TPST1: variants seen among roughly 807,000 people sequenced by gnomAD.
TPST1 encodes the protein protein-tyrosine sulfotransferase 1.
A neutral mutation model predicts 34.8 loss-of-function variants in TPST1; 20 were observed. That is an observed-to-expected ratio of 0.57 (90% CI 0.40 to 0.84). TPST1 has a LOEUF of 0.84. Ranked by LOEUF, TPST1 falls within the 40% of genes least tolerant of loss-of-function variation. The probability of loss-of-function intolerance (pLI) is 0.00; values close to 1 mark genes in which losing one functional copy is unlikely to be tolerated. For synonymous variants in TPST1, 152 were observed against 159.4 expected (o/e 0.95, Z 0.35); for missense variants, 353 against 455.5 (o/e 0.78, Z 2.05).
rs1790002889 is a variant in TPST1 at position 66,240,361 on chromosome 7, C to T, written c.-65C>T. 3.2e-6 allele frequency: 5 copies of T among 1,553,432 alleles called. No homozygotes were observed. In the South Asian group the frequency reaches 6.3e-5, roughly 19 times the overall value. On this transcript the variant is annotated 5_prime_UTR_variant, in exon 2 of 6. Coordinates refer to ENST00000304842, the MANE Select transcript of TPST1 (RefSeq NM_003596.4). Reference sequence around the variant, plus strand: ...CTTTCTGAAGTAGACTGTCCATGGCCTGAACATTTTCCGAAAATCATTTTG... The same window carrying T: ...CTTTCTGAAGTAGACTGTCCATGGCTTGAACATTTTCCGAAAATCATTTTG...
At chr7:66,312,668 G>A (rs780067158) in intron 3 of TPST1, among the ~76,000 whole-genome samples, 1 of 152,150 alleles carries the variant, frequency 6.6e-6, no homozygotes, top group Non-Finnish European at 1.5e-5. Context: ...ATCATTGATT[G>A]TATTGTGGCT....
At chr7:66,245,438 A>G (rs971375874) in intron 2 of TPST1, among the ~76,000 whole-genome samples, 3 of 152,250 alleles carry the variant, frequency 2.0e-5, no homozygotes, top group Non-Finnish European at 4.4e-5. Context: ...GGCCGGGGTG[A>G]TCAGACATCA....
At chr7:66,349,190 C>A (rs951512018) in intron 3 of TPST1, among the ~76,000 whole-genome samples, 2 of 152,182 alleles carry the variant, frequency 1.3e-5, no homozygotes, top group African/African-American at 2.4e-5. Context: ...ACTGCCTGGG[C>A]TTGAGTTAAA....
At chr7:66,220,320 T>C (rs1050776369) in intron 1 of TPST1, among the ~76,000 whole-genome samples, 6 of 152,152 alleles carry the variant, frequency 3.9e-5, no homozygotes, top group Non-Finnish European at 8.8e-5. Context: ...ATTATACTTA[T>C]AGAATCTAAT....
rs1181699567 is a variant in TPST1 at position 66,314,560 on chromosome 7, A to G, written c.1044+27851A>G. Among the ~76,000 whole-genome samples, 3 of 152,318 alleles carry G rather than the reference A, an allele frequency of 2.0e-5. No individual in the cohort carries two copies. In the South Asian group the frequency reaches 6.2e-4, roughly 32 times the overall value. On this transcript the variant is annotated intron_variant, in intron 3 of 5. Coordinates refer to ENST00000304842, the MANE Select transcript of TPST1 (RefSeq NM_003596.4). Reference sequence around the variant, plus strand: ...AATAAAAACGATCAATGTGGAAAAAACTTGAAGACTGTGCAAATAGCCATA... The same window carrying G: ...AATAAAAACGATCAATGTGGAAAAAGCTTGAAGACTGTGCAAATAGCCATA...
rs1406661817 is a variant in TPST1, at chr7:66,217,367, CTG to C, written c.-102+11847_-102+11848del. Among the ~76,000 whole-genome samples the C allele has an allele frequency of 3.3e-5, 5 of 152,126 alleles. No homozygotes were observed. The East Asian group carries it at 9.6e-4, about 29-fold the overall frequency. On this transcript the variant is annotated intron_variant, in intron 1 of 5. Transcript: ENST00000304842. ...TTTTTGCTTCATGTATTTTAGGGCTCTGTTGTTATTTGCATATATGTTTATAA... is the reference window on the plus strand; with the variant it reads ...TTTTTGCTTCATGTATTTTAGGGCTCTTGTTATTTGCATATATGTTTATAA...
intron 3 of TPST1, among the ~76,000 whole-genome samples, chr7:66,352,099 G>A (rs553302960): frequency 6.6e-6 from 1 of 152,310 alleles, no homozygotes; most frequent in African/African-American, 2.4e-5. Flanking sequence ...ATCCAGGGTT[G>A]TATCCTTGGA....
chr7:66,201,381 CAAAAAAAAAAA>C (rs138553925), upstream of TPST1, among the ~76,000 whole-genome samples: 11 of 73,528 alleles, frequency 1.5e-4, no homozygotes, highest in South Asian at 1.7e-3. Context: ...CCATCTCTAC[CAAAAAAAAAAA>C]AAAAAAAAAA....
At chr7:66,356,938 G>A in intron 5 of TPST1, 67 bp downstream of exon 5, 1 of 1,547,286 alleles carries the variant, frequency 6.5e-7, no homozygotes, top group Non-Finnish European at 8.9e-7. Flanking sequence ...GGGCTGGGTG[G>A]CCAAGGTGGA....
In TPST1 at chr7:66,253,227, T is replaced by C. The variant is rs560442474; in HGVS notation, c.845+11957T>C. 1.4e-4 allele frequency among the ~76,000 whole-genome samples: 21 copies of C among 152,290 alleles called. No homozygotes were observed. In the South Asian group the frequency reaches 4.4e-3, roughly 32 times the overall value. ...GTTATATGTAAATACTGTGCCATTT[T>C]ATATGAGAGATTTGGGCATCTGTGG... On this transcript the variant is annotated intron_variant, in intron 2 of 5. Transcript: ENST00000304842.
chr7:66,354,490 C>T (rs1239248971), intron 4 of TPST1, among the ~76,000 whole-genome samples: 1 of 130,224 alleles, frequency 7.7e-6, no homozygotes, highest in East Asian at 2.5e-4. Flanking sequence ...CGCCTGTAAT[C>T]CCAGCCTGGG....
Position 66,240,306 on chromosome 7 carries a change from C to A in TPST1, c.-101-19C>A. 1 of 1,247,172 alleles carries A rather than the reference C, an allele frequency of 8.0e-7. No individual in the cohort carries two copies. Among genetic ancestry groups the A allele is most frequent in the Non-Finnish European group, 1.1e-6 (1 of 922,794 alleles). 77.3% of individuals were successfully genotyped at this position (1,247,172 alleles called of 1,614,324 possible). A position where few individuals can be genotyped will look rare whatever the true frequency, so the allele number is the denominator to read the frequency against. Reference sequence around the variant, plus strand: ...CAATCTCAATGTAATGATAAATAACCTTTTCCTTTCTCTACTAGATGTTGG... The same window carrying A: ...CAATCTCAATGTAATGATAAATAACATTTTCCTTTCTCTACTAGATGTTGG... On this transcript the variant is annotated intron_variant, in intron 1 of 5. Transcript: ENST00000304842.
chr7:66,268,746 G>T (rs1790640004), intron 2 of TPST1, among the ~76,000 whole-genome samples: 1 of 151,942 alleles, frequency 6.6e-6, no homozygotes. Flanking sequence ...TGTTGCCCAG[G>T]CTGGAGTGCC....
chr7:66,356,409 T>TA (rs1258323178), intron 4 of TPST1, among the ~76,000 whole-genome samples: 2 of 152,304 alleles, frequency 1.3e-5, no homozygotes, highest in East Asian at 3.9e-4. Flanking sequence ...GGGGTTTATT[T>TA]ATGCAGGCAA....
intron 3 of TPST1, among the ~76,000 whole-genome samples, chr7:66,316,069 C>T (rs867331304): frequency 6.0e-5 from 9 of 150,230 alleles, no homozygotes; most frequent in Middle Eastern, 3.4e-3. Context: ...AAATTCATGC[C>T]ATTGCACTCC....
At chr7:66,242,610 A>G (rs1790058294) in intron 2 of TPST1, among the ~76,000 whole-genome samples, 1 of 152,196 alleles carries the variant, frequency 6.6e-6, no homozygotes, top group Non-Finnish European at 1.5e-5. Flanking sequence ...TTATTTCCAG[A>G]TAATAGACTA....
rs1790008915 is a variant in TPST1 at position 66,240,554 on chromosome 7, A to G, written c.129A>G (p.Lys43=). ...HRIEERSQPV[K]LESTRTTVRT... ...TAGAGGAACGTAGCCAGCCAGTCAA[A>G]TTGGAGAGCACAAGGACCACTGTGA... The change falls in exon 2 of 6, where the codon AAA becomes AAG. Residue 43 remains lysine, a synonymous_variant. Coordinates refer to ENST00000304842, the MANE Select transcript of TPST1 (RefSeq NM_003596.4). 6.2e-7 allele frequency: 1 copy of G among 1,614,088 alleles called. No homozygotes were observed. Among genetic ancestry groups the G allele is most frequent in the African/African-American group, 1.3e-5 (1 of 74,938 alleles).
intron 4 of TPST1, among the ~76,000 whole-genome samples, chr7:66,353,748 A>G (rs1294600511): frequency 1.3e-5 from 2 of 152,198 alleles, no homozygotes; most frequent in Non-Finnish European, 2.9e-5. Context: ...TAGCTTGTCA[A>G]TAGGAAGAGG....
intron 2 of TPST1, among the ~76,000 whole-genome samples, chr7:66,261,809 G>T (rs904428054): frequency 6.6e-6 from 1 of 152,044 alleles, no homozygotes; most frequent in Non-Finnish European, 1.5e-5. Flanking sequence ...TGGCATTTAC[G>T]TCATAGGGTT....
Sources: allele counts gnomAD v4.1 joint callset (sites outside exome capture counted in the v4.1 genomes callset), GRCh38; gene constraint gnomAD v4.1.1; transcripts MANE v1.5; gene names NCBI Gene and HGNC (gene_info 2026-07-23, HGNC 2026-07-21).